Variants in PARD3B observed in about 807,000 individuals in gnomAD.
PARD3B encodes par-3 family cell polarity regulator beta.
Under a neutral mutation model 130.2 loss-of-function variants are expected in PARD3B, and 103 were observed. That is an observed-to-expected ratio of 0.79 (90% CI 0.67 to 0.93). The LOEUF is 0.93. PARD3B is among the 40% of genes least tolerant of loss of function. PARD3B has a pLI of 0.00. For synonymous variants in PARD3B, 583 were observed against 553.2 expected (o/e 1.05, Z -0.76); for missense variants, 1,609 against 1,499.2 (o/e 1.07, Z -1.21).
At chr2:205,296,265 T>C (rs1008981813) in intron 16 of PARD3B, among the ~76,000 whole-genome samples, 2 of 152,254 alleles carry the variant, frequency 1.3e-5, no homozygotes, top group African/African-American at 2.4e-5. Flanking sequence ...TTGGATATTC[T>C]ACAGCCTCCT....
intron 15 of PARD3B, among the ~76,000 whole-genome samples, chr2:205,199,777 A>T (rs7560089): frequency 0.8 from 121,347 of 152,048 alleles, 49,069 homozygotes; most frequent in East Asian, 0.98. Flanking sequence ...GCAATGGAAA[A>T]CTAGACAATT....
intron 22 of PARD3B, among the ~76,000 whole-genome samples, chr2:205,610,386 T>G (rs1166104702): frequency 1.3e-5 from 2 of 152,166 alleles, no homozygotes; most frequent in Admixed American, 1.3e-4. Flanking sequence ...ATAAAGATGT[T>G]CCTAGATTAT....
At chr2:204,858,783 AT>A (rs2045062225) in intron 2 of PARD3B, among the ~76,000 whole-genome samples, 1 of 148,326 alleles carries the variant, frequency 6.7e-6, no homozygotes, top group Admixed American at 6.8e-5. Flanking sequence ...TACATATATA[AT>A]ATATAAAAAA....
chr2:205,305,324 T>C (rs1230403799), intron 18 of PARD3B, among the ~76,000 whole-genome samples: 1 of 152,168 alleles, frequency 6.6e-6, no homozygotes, highest in Non-Finnish European at 1.5e-5. Context: ...TCTGGTTTGG[T>C]CTGGTCTGTT....
rs548733325 is a variant in PARD3B at position 205,032,489 on chromosome 2, G to C, written c.395-15092G>C. 8.5e-5 allele frequency among the ~76,000 whole-genome samples: 13 copies of C among 152,180 alleles called. 1 individual carries two copies. The South Asian group carries it at 2.7e-3, about 32-fold the overall frequency. ...CCAGGAGCAGATATGGGTCAAATGA[G>C]GTCTCAAACCACAGTTGGAAATGTT... On this transcript the variant is annotated intron_variant, in intron 3 of 22. Coordinates refer to ENST00000406610, the MANE Select transcript of PARD3B (RefSeq NM_001302769.2).
chr2:205,022,396 A>G (rs1237071649), intron 3 of PARD3B, among the ~76,000 whole-genome samples: 1 of 152,214 alleles, frequency 6.6e-6, no homozygotes, highest in Admixed American at 6.5e-5. Flanking sequence ...ATTCTAGCGA[A>G]ACCAACTTAG....
chr2:204,948,956 A>C (rs78648744), intron 2 of PARD3B, among the ~76,000 whole-genome samples: 2 of 152,168 alleles, frequency 1.3e-5, no homozygotes, highest in Admixed American at 1.3e-4. Context: ...AAGTTGATGA[A>C]CTGTACTGGT....
chr2:205,178,515 G>T (rs2035613666), intron 13 of PARD3B, among the ~76,000 whole-genome samples: 1 of 152,168 alleles, frequency 6.6e-6, no homozygotes, highest in Admixed American at 6.5e-5. Context: ...ATCTTAAATT[G>T]CAGTAGCAAA....
intron 4 of PARD3B, among the ~76,000 whole-genome samples, chr2:205,098,156 G>A (rs928336666): frequency 6.6e-6 from 1 of 152,062 alleles, no homozygotes; most frequent in Non-Finnish European, 1.5e-5. Flanking sequence ...ATGAGCACCA[G>A]GCACATAACC....
intron 2 of PARD3B, among the ~76,000 whole-genome samples, chr2:204,808,653 G>A (rs1411845835): frequency 6.6e-6 from 1 of 152,064 alleles, no homozygotes; most frequent in African/African-American, 2.4e-5. Flanking sequence ...TTCCCACAAA[G>A]GACATGATCT....
chr2:205,382,513 G>A (rs1308297889), intron 18 of PARD3B, among the ~76,000 whole-genome samples: 2 of 151,842 alleles, frequency 1.3e-5, no homozygotes, highest in Non-Finnish European at 2.9e-5. Context: ...CATATCTTGG[G>A]GAAGATATTT....
intron 1 of PARD3B, among the ~76,000 whole-genome samples, chr2:204,666,605 GAT>G (rs2036034864): frequency 6.6e-6 from 1 of 152,036 alleles, no homozygotes; most frequent in South Asian, 2.1e-4. Flanking sequence ...AGATTTAGAA[GAT>G]AAAGTCAATA....
intron 21 of PARD3B, among the ~76,000 whole-genome samples, chr2:205,503,451 G>A (rs1414947064): frequency 6.7e-6 from 1 of 149,708 alleles, no homozygotes; most frequent in African/African-American, 2.5e-5. Flanking sequence ...TTCCCCTTTT[G>A]CAAAAGATCT....
At chr2:205,494,755 C>T (rs1024476557) in intron 20 of PARD3B, among the ~76,000 whole-genome samples, 7 of 152,162 alleles carry the variant, frequency 4.6e-5, no homozygotes, top group African/African-American at 9.7e-5. Flanking sequence ...GCCTTTCTTG[C>T]GAGGCAACAT....
intron 2 of PARD3B, among the ~76,000 whole-genome samples, chr2:204,706,626 A>T (rs2038174425): frequency 6.6e-6 from 1 of 152,148 alleles, no homozygotes; most frequent in Non-Finnish European, 1.5e-5. Flanking sequence ...GGTATAGAGG[A>T]GAAAAGTCTA....
intron 2 of PARD3B, among the ~76,000 whole-genome samples, chr2:204,733,550 A>T (rs903836073): frequency 7.1e-6 from 1 of 139,890 alleles, no homozygotes; most frequent in East Asian, 2.1e-4. Context: ...TTCTAACTTT[A>T]TTTGGAAATG....
In PARD3B at chr2:204,890,681, A is replaced by G. The variant is rs2046411952; in HGVS notation, c.223-74471A>G. 6.6e-6 allele frequency among the ~76,000 whole-genome samples: 1 copy of G among 152,162 alleles called. No individual in the cohort carries two copies. The highest frequency in any genetic ancestry group is 2.4e-5 in the African/African-American group (1 of 41,444). On this transcript the variant is annotated intron_variant, in intron 2 of 22. Coordinates refer to ENST00000406610, the MANE Select transcript of PARD3B (RefSeq NM_001302769.2). This position sits in a 1 kb window ranked among gnomAD's most constrained non-coding sequence, Gnocchi z 4.9. Reference sequence around the variant, plus strand: ...CACATGCACAACGGTAAGTGTCACAAAGTGACAACTGAGCTAGATGTACAC... The same window carrying G: ...CACATGCACAACGGTAAGTGTCACAGAGTGACAACTGAGCTAGATGTACAC...
At chr2:205,485,286 G>A (rs2049394871) in intron 20 of PARD3B, among the ~76,000 whole-genome samples, 1 of 152,290 alleles carries the variant, frequency 6.6e-6, no homozygotes, top group East Asian at 1.9e-4. Flanking sequence ...TTCATCACCA[G>A]ATGATGTTAC....
At chr2:205,400,353 T>G (rs1305604161) in intron 18 of PARD3B, among the ~76,000 whole-genome samples, 1 of 152,022 alleles carries the variant, frequency 6.6e-6, no homozygotes, top group Non-Finnish European at 1.5e-5. Flanking sequence ...GTACACATTT[T>G]AAAGAAAGTC....
Sources: gnomAD v4.1 joint callset for allele counts (sites outside exome capture counted in the v4.1 genomes callset) on GRCh38, gnomAD v4.1.1 for gene constraint, Gnocchi (gnomAD v3.1) non-coding constraint, MANE v1.5 for transcripts, NCBI Gene and HGNC (gene_info 2026-07-23, HGNC 2026-07-21) for gene names.